The following TACC2 variants were observed in gnomAD, a reference collection of about 807,000 sequenced individuals.
TACC2 encodes transforming acidic coiled-coil-containing protein 2.
Under a neutral mutation model 227.3 loss-of-function variants are expected in TACC2, and 137 were observed. The observed-to-expected ratio is 0.60, with a 90% CI of 0.52 to 0.69. TACC2 has a LOEUF of 0.69. TACC2 is among the 30% of genes least tolerant of loss of function. The pLI is 0.00. For missense variants in TACC2, 3,470 were observed against 3,694.4 expected (o/e 0.94, Z 1.57); for synonymous variants, 1,523 against 1,487.5 (o/e 1.02, Z -0.55).
intron 18 of TACC2, among the ~76,000 whole-genome samples, chr10:122,239,399 A>G (rs2095934437): frequency 6.6e-6 from 1 of 152,228 alleles, no homozygotes; most frequent in Non-Finnish European, 1.5e-5. Context: ...CCCGTTTTCT[A>G]GGTCATCGTA....
At chr10:122,188,578 G>A (rs928707777) in intron 7 of TACC2, among the ~76,000 whole-genome samples, 10 of 152,014 alleles carry the variant, frequency 6.6e-5, no homozygotes, top group Non-Finnish European at 2.9e-5. Flanking sequence ...CATGAGCCAC[G>A]GTGCCTGACC....
chr10:122,102,469 C>T (rs2082283057), intron 5 of TACC2, among the ~76,000 whole-genome samples: 1 of 152,238 alleles, frequency 6.6e-6, no homozygotes, highest in Non-Finnish European at 1.5e-5. Flanking sequence ...CAAACCCTCA[C>T]ACTACTGCGG....
intron 6 of TACC2, among the ~76,000 whole-genome samples, chr10:122,139,512 G>C (rs2090222871): frequency 6.6e-6 from 1 of 152,166 alleles, no homozygotes; most frequent in African/African-American, 2.4e-5. Context: ...ATCTCCCATT[G>C]CTGAGTCTCA....
rs150668512 is a variant in TACC2, at chr10:122,084,958, G to A, written c.2458G>A (p.Glu820Lys). 2.1e-4 allele frequency: 336 copies of A among 1,614,150 alleles called. 1 individual carries two copies. Among genetic ancestry groups the A allele is most frequent in the African/African-American group, 2.7e-5 (2 of 75,030 alleles). ...AGGCTGGATAAGAGGAGCTGCATCCGAGTGGCCCCTACTATCTTCTGAGAA... is the reference window on the plus strand; with the variant it reads ...AGGCTGGATAAGAGGAGCTGCATCCAAGTGGCCCCTACTATCTTCTGAGAA... ...GEGWIRGAAS[E>K]WPLLSSEKHL... is the part of the protein sequence containing the mutation. The change falls in exon 4 of 23, where the codon GAG (glutamate) becomes AAG (lysine). Residue 820 changes from glutamate (E) to lysine (K), a missense_variant. By Grantham distance (56) the Glu-to-Lys change is moderately conservative. Transcript: ENST00000369005.
At chr10:122,208,842 T>G (rs535649513) in intron 8 of TACC2, among the ~76,000 whole-genome samples, 2 of 152,306 alleles carry the variant, frequency 1.3e-5, no homozygotes, top group East Asian at 3.9e-4. Flanking sequence ...TCCCAGTACT[T>G]AGGCCTGCAG....
At chr10:122,036,329 A>G (rs1960340731) in intron 2 of TACC2, among the ~76,000 whole-genome samples, 1 of 150,560 alleles carries the variant, frequency 6.6e-6, no homozygotes, top group Non-Finnish European at 1.5e-5. Context: ...AGTAGCTGGG[A>G]CTACAGGTGC....
intron 1 of TACC2, among the ~76,000 whole-genome samples, chr10:121,993,218 A>G (rs1053210396): frequency 3.9e-5 from 6 of 152,234 alleles, no homozygotes; most frequent in Non-Finnish European, 7.3e-5. Context: ...TTTAGTTATT[A>G]TAAAACTCAG....
chr10:122,136,916 C>G (rs1467845003), intron 6 of TACC2, among the ~76,000 whole-genome samples: 3 of 152,034 alleles, frequency 2.0e-5, no homozygotes, highest in African/African-American at 7.3e-5. Context: ...TTGCTTTAAG[C>G]CAGCTGAGAG....
At chr10:122,213,334 T>G in intron 9 of TACC2, 1 of 1,611,432 alleles carries the variant, frequency 6.2e-7, no homozygotes, top group South Asian at 1.1e-5. Flanking sequence ...TTTGTCTTCT[T>G]GTCTTAGGAT....
chr10:122,169,541 T>A (rs1016225964), intron 7 of TACC2, among the ~76,000 whole-genome samples: 1 of 151,932 alleles, frequency 6.6e-6, no homozygotes, highest in Non-Finnish European at 1.5e-5. Context: ...TCCAGTAGAG[T>A]TTTAGTTGTA....
intron 3 of TACC2, among the ~76,000 whole-genome samples, chr10:122,065,197 G>A (rs910600608): frequency 6.6e-6 from 1 of 152,190 alleles, no homozygotes; most frequent in Non-Finnish European, 1.5e-5. Flanking sequence ...TGTTTGACCA[G>A]TGTCTCTGTA....
At chr10:122,066,888 C>A (rs570610264) in intron 3 of TACC2, among the ~76,000 whole-genome samples, 26 of 152,272 alleles carry the variant, frequency 1.7e-4, no homozygotes, top group African/African-American at 6.3e-4. Context: ...CAATATACAT[C>A]TTTAATATCT....
intron 4 of TACC2, among the ~76,000 whole-genome samples, chr10:122,088,218 G>A (rs2080302972): frequency 6.6e-6 from 1 of 152,114 alleles, no homozygotes; most frequent in African/African-American, 2.4e-5. Context: ...TAAACCACTG[G>A]AAAAGTATCA....
At chr10:122,126,472 G>C (rs1315391053) in intron 5 of TACC2, among the ~76,000 whole-genome samples, 1 of 152,082 alleles carries the variant, frequency 6.6e-6, no homozygotes, top group Non-Finnish European at 1.5e-5. Flanking sequence ...TGTGCACACA[G>C]CCCTCCACAA....
rs1195347650 is a variant in TACC2 at position 122,209,734 on chromosome 10, G to C, written c.5972-663G>C. The C allele has an allele frequency of 6.5e-6, 1 of 153,416 alleles. No individual in the cohort carries two copies. The highest frequency in any genetic ancestry group is 1.9e-4 in the East Asian group (1 of 5,198). 9.5% of individuals were successfully genotyped at this position (153,416 alleles called of 1,614,324 possible). ...AGAGTCTCACTCACTCTGTCACCCA[G>C]GCTAGAGTACAGTGGCGCAATCTCG... On this transcript the variant is annotated intron_variant, in intron 8 of 22. Coordinates refer to ENST00000369005, the MANE Select transcript of TACC2 (RefSeq NM_206862.4). This position sits in a 1 kb window ranked among gnomAD's most constrained non-coding sequence, Gnocchi z 4.5.
intron 5 of TACC2, among the ~76,000 whole-genome samples, chr10:122,102,523 A>T (rs750972202): frequency 5.3e-5 from 8 of 152,186 alleles, no homozygotes; most frequent in Non-Finnish European, 1.0e-4. Flanking sequence ...CCCTGATGTC[A>T]CTTGGACATC....
At chr10:122,189,130 C>T (rs952861856) in intron 7 of TACC2, among the ~76,000 whole-genome samples, 11 of 152,180 alleles carry the variant, frequency 7.2e-5, no homozygotes, top group East Asian at 5.8e-4. Context: ...AAAAAATGAC[C>T]GGTCTGATCA....
At chr10:122,162,974 G>C (rs915672773) in intron 7 of TACC2, among the ~76,000 whole-genome samples, 12 of 152,182 alleles carry the variant, frequency 7.9e-5, no homozygotes, top group Non-Finnish European at 1.2e-4. Flanking sequence ...GCCAAAGATG[G>C]TGTTGCAGCC....
intron 1 of TACC2, among the ~76,000 whole-genome samples, chr10:122,007,479 A>G (rs1174284649): frequency 2.0e-5 from 3 of 152,104 alleles, no homozygotes; most frequent in Non-Finnish European, 4.4e-5. Flanking sequence ...TCCTCAAGTA[A>G]TATGTGTGAA....
Sources: gnomAD v4.1 joint callset for allele counts (sites outside exome capture counted in the v4.1 genomes callset) on GRCh38, gnomAD v4.1.1 for gene constraint, Gnocchi (gnomAD v3.1) non-coding constraint, MANE v1.5 for transcripts, NCBI Gene and HGNC (gene_info 2026-07-23, HGNC 2026-07-21) for gene names.